Variants in RESF1 observed in about 807,000 individuals in gnomAD.
RESF1 encodes gonad expressed transcript.
Under a neutral mutation model 134.7 loss-of-function variants are expected in RESF1, and 65 were observed. The ratio of observed to expected loss-of-function variants is 0.48; its 90% CI spans 0.40 to 0.59. RESF1 has a LOEUF of 0.59. RESF1 is among the 20% of genes least tolerant of loss of function. The pLI is 0.00. For synonymous variants in RESF1, 762 were observed against 702.2 expected, an observed-to-expected ratio of 1.09 and a Z score of -1.35; for missense variants, 2,274 against 2,002.7, an observed-to-expected ratio of 1.14 and a Z score of -2.59.
At position 31,981,218 on chromosome 12, in the gene RESF1, C is replaced by T. The variant is rs1301143308; in HGVS notation, c.263C>T (p.Thr88Ile). The T allele has an allele frequency of 1.2e-6, 2 of 1,614,162 alleles. No homozygotes were observed. ...MHNGTVVASH[T>I]SVERITYANV... is the part of the protein sequence containing the mutation. The stretch of plus-strand genomic sequence containing the variant: ...AATGGGACAGTTGTGGCCTCACACA[C>T]TTCAGTAGAAAGAATAACATATGCA... Residue 88 changes from threonine to isoleucine, a missense_variant, in exon 4 of 6, where the codon ACT becomes ATT. By Grantham distance (89) the Thr-to-Ile change is moderately conservative. Transcript: ENST00000312561.
intron 2 of RESF1, among the ~76,000 whole-genome samples, chr12:31,968,432 G>A (rs1939442888): frequency 6.7e-6 from 1 of 150,318 alleles, no homozygotes; most frequent in Non-Finnish European, 1.5e-5. Context: ...CCATCTATAA[G>A]TTTACATTAG....
intron 5 of RESF1, among the ~76,000 whole-genome samples, chr12:31,991,178 C>T (rs57655004): frequency 0.017 from 2,481 of 145,770 alleles, 69 homozygotes; most frequent in African/African-American, 0.06. Context: ...GCCTGGGCAA[C>T]AGAGCCAAGA....
At chr12:31,972,835 T>G (rs1335764314) in intron 3 of RESF1, among the ~76,000 whole-genome samples, 2 of 152,202 alleles carry the variant, frequency 1.3e-5, no homozygotes, top group African/African-American at 4.8e-5. Context: ...ATTGTTTATA[T>G]AAAAATGTTA....
In RESF1 at chr12:31,983,613, T is replaced by C; in HGVS notation, c.2658T>C (p.Ser886=). Reference sequence around the variant, plus strand: ...AGTCAAGGAATAGTACTGTTGTGAGTAGTGATACATTACAGATTGACAATA... The same window carrying C: ...AGTCAAGGAATAGTACTGTTGTGAGCAGTGATACATTACAGATTGACAATA... The part of the protein sequence containing the change: ...SQESRNSTVV[S]SDTLQIDNIC... The change falls in exon 4 of 6, where the codon AGT becomes AGC. Residue 886 remains serine, a synonymous_variant. Transcript: ENST00000312561. The C allele has an allele frequency of 6.2e-7, 1 of 1,614,078 alleles. No individual in the cohort carries two copies. Among genetic ancestry groups the C allele is most frequent in the Non-Finnish European group, 8.5e-7 (1 of 1,179,966 alleles).
In RESF1 at chr12:31,992,581, T is replaced by C. The variant is rs776800275; in HGVS notation, c.*46T>C. ...ATTGCCACTGGGAAATTTCTTTCCT[T>C]TTCTGTTCAAAATATTTCGCTGAAA... On this transcript the variant is annotated 3_prime_UTR_variant, in exon 6 of 6. Coordinates refer to ENST00000312561, the MANE Select transcript of RESF1 (RefSeq NM_018169.4). 4 of 1,562,286 alleles carry C rather than the reference T, an allele frequency of 2.6e-6. No individual in the cohort carries two copies. The highest frequency in any genetic ancestry group is 1.1e-5 in the South Asian group (1 of 87,580).
intron 2 of RESF1, among the ~76,000 whole-genome samples, chr12:31,966,157 TA>T (rs922961921): frequency 7.9e-5 from 12 of 151,936 alleles, no homozygotes; most frequent in African/African-American, 2.2e-4. Flanking sequence ...TAATGAGCTT[TA>T]AAAAAAATTG....
chr12:31,981,677 C>A lies in RESF1; in HGVS notation c.722C>A (p.Ser241Ter). ...AAACAAAACTTTATACCACATACAT[C>A]ATTGCAAGTTAAAAATAGTCAGCTT... Reference protein sequence around the residue: ...IQKQNFIPHTSLQVKNSQLLN... With the variant: ...IQKQNFIPHT Residue 241 changes from serine to a stop codon, truncating the protein, a stop_gained, in exon 4 of 6, where the codon TCA becomes TAA. Transcript: ENST00000312561. LOFTEE classifies it high-confidence loss of function. 1 of 1,613,766 alleles carries A rather than the reference C, an allele frequency of 6.2e-7. No homozygotes were observed.
chr12:31,979,714 A>ATTT (rs766734847), intron 3 of RESF1, among the ~76,000 whole-genome samples: 1 of 142,958 alleles, frequency 7.0e-6, no homozygotes, highest in African/African-American at 2.6e-5. Context: ...TGACGGGGTA[A>ATTT]TTTTTTTTTT....
In RESF1 at chr12:31,985,541, C is replaced by T; in HGVS notation, c.4586C>T (p.Thr1529Ile). The change falls in exon 4 of 6, where the codon ACA becomes ATA. Residue 1529 changes from threonine (T) to isoleucine (I), a missense_variant. Transcript: ENST00000312561. ...LKIHHSQESK[T>I]YNILRNVKEK... is the part of the protein sequence containing the mutation. Reference sequence around the variant, plus strand: ...ATCCACCATTCTCAGGAGTCTAAAACATACAACATTCTAAGGAATGTTAAA... The same window carrying T: ...ATCCACCATTCTCAGGAGTCTAAAATATACAACATTCTAAGGAATGTTAAA... The T allele has an allele frequency of 6.3e-7, 1 of 1,598,168 alleles. No homozygotes were observed. The highest frequency in any genetic ancestry group is 1.8e-5 in the Admixed American group (1 of 55,182).
chr12:31,982,533 T>C lies in RESF1; in HGVS notation c.1578T>C (p.Thr526=). 1 of 1,613,780 alleles carries C rather than the reference T, an allele frequency of 6.2e-7. No individual in the cohort carries two copies. Among genetic ancestry groups the C allele is most frequent in the Non-Finnish European group, 8.5e-7 (1 of 1,179,994 alleles). The part of the protein sequence containing the change: ...PDSSHDVKVL[T]SKTSAVEMTQ... ...CATCTCATGATGTGAAAGTTCTCAC[T>C]TCAAAGACATCAGCTGTTGAGATGA... is the stretch of plus-strand genomic sequence containing the variant. The change falls in exon 4 of 6, where the codon ACT becomes ACC. Residue 526 remains threonine, a synonymous_variant. Transcript: ENST00000312561.
rs543731842 is a variant in RESF1, at chr12:31,991,381, G to T, written c.5087-997G>T. On this transcript the variant is annotated intron_variant, in intron 5 of 5. Transcript: ENST00000312561. ...ATTCTGAAAGAAAGCAAACGAAAAA[G>T]TGGAAGACTGCAGCAGATCTAAAGA... Among the ~76,000 whole-genome samples the T allele has an allele frequency of 4.7e-4, 71 of 152,286 alleles. 1 individual carries two copies. The highest frequency in any genetic ancestry group is 9.6e-4 in the Non-Finnish European group (65 of 68,024).
intron 2 of RESF1, among the ~76,000 whole-genome samples, chr12:31,968,633 A>G (rs976533998): frequency 6.6e-6 from 1 of 151,882 alleles, no homozygotes; most frequent in South Asian, 2.1e-4. Context: ...TATTTTTAGT[A>G]GAGACGGGGT....
rs778157280 is a variant in RESF1, at chr12:31,981,859, T to A, written c.904T>A (p.Ser302Thr). The A allele has an allele frequency of 1.4e-5, 23 of 1,613,936 alleles. No homozygotes were observed. In the South Asian group the frequency reaches 2.0e-4, roughly 14 times the overall value. ...TACTCAGCATATTACTAAACACTTG[T>A]CTATGGAAGTTCCTCAGAGTCGAGA... Reference protein sequence around the residue: ...QSTQHITKHLSMEVPQSREML... With the variant: ...QSTQHITKHLTMEVPQSREML... Residue 302 changes from serine to threonine, a missense_variant, in exon 4 of 6, where the codon TCT becomes ACT. By Grantham distance (58) the Ser-to-Thr change is moderately conservative. Coordinates refer to ENST00000312561, the MANE Select transcript of RESF1 (RefSeq NM_018169.4).
intron 3 of RESF1, among the ~76,000 whole-genome samples, chr12:31,970,951 T>C (rs1324940130): frequency 1.3e-5 from 2 of 152,208 alleles, no homozygotes; most frequent in African/African-American, 4.8e-5. Flanking sequence ...TCTTCCCAGA[T>C]TGATCCTCAC....
rs1349723053 is a variant in RESF1, at chr12:31,982,083, C to G, written c.1128C>G (p.Cys376Trp). ...QTNEEKIMDS[C>W]NPTSNQVLDT... ...ATGAAGAGAAAATAATGGATTCTTG[C>G]AATCCAACTTCAAATCAAGTACTGG... The change falls in exon 4 of 6, where the codon TGC becomes TGG. Residue 376 changes from cysteine to tryptophan, a missense_variant. By Grantham distance (215) the Cys-to-Trp change is radical. Transcript: ENST00000312561. 1.2e-6 allele frequency: 2 copies of G among 1,614,072 alleles called. No individual in the cohort carries two copies. Among genetic ancestry groups the G allele is most frequent in the Admixed American group, 1.7e-5 (1 of 60,010 alleles).
At chr12:31,976,122 T>C (rs1939624774) in intron 3 of RESF1, among the ~76,000 whole-genome samples, 1 of 152,254 alleles carries the variant, frequency 6.6e-6, no homozygotes, top group Non-Finnish European at 1.5e-5. Flanking sequence ...CTAGCCATTG[T>C]GTATAGTATT....
At position 31,982,102 on chromosome 12, in the gene RESF1, G is replaced by T; in HGVS notation, c.1147G>T (p.Val383Leu). The change falls in exon 4 of 6, where the codon GTA becomes TTA. Residue 383 changes from valine (V) to leucine (L), a missense_variant. By Grantham distance (32) the Val-to-Leu change is conservative. Transcript: ENST00000312561. ...TTCTTGCAATCCAACTTCAAATCAA[G>T]TACTGGACACAAGTGTTGCAAAAGA... The part of the protein sequence containing the change: ...MDSCNPTSNQ[V>L]LDTSVAKEKL... 1 of 1,614,048 alleles carries T rather than the reference G, an allele frequency of 6.2e-7. No individual in the cohort carries two copies. The highest frequency in any genetic ancestry group is 8.5e-7 in the Non-Finnish European group (1 of 1,179,990).
chr12:31,989,396 CA>C (rs34529486), intron 5 of RESF1, among the ~76,000 whole-genome samples: 1,410 of 98,166 alleles, frequency 0.014, 11 homozygotes, highest in Non-Finnish European at 0.02. Context: ...AGTCTTGTCT[CA>C]AAAAAAAAAA....
In RESF1 at chr12:31,981,264, A is replaced by T. The variant is rs766387944; in HGVS notation, c.309A>T (p.Gln103His). Residue 103 changes from glutamine to histidine, a missense_variant, in exon 4 of 6, where the codon CAA (glutamine) becomes CAT (histidine). Coordinates refer to ENST00000312561, the MANE Select transcript of RESF1 (RefSeq NM_018169.4). ...ATGCAAATGTTAATGGACCCAAACA[A>T]CTAACTCACAATTTGCAGATGTCTT... is the stretch of plus-strand genomic sequence containing the variant. ...ITYANVNGPK[Q>H]LTHNLQMSSG... 1 of 1,614,160 alleles carries T rather than the reference A, an allele frequency of 6.2e-7. No homozygotes were observed. Among genetic ancestry groups the T allele is most frequent in the South Asian group, 1.1e-5 (1 of 91,076 alleles).
Sources: allele counts gnomAD v4.1 joint callset (sites outside exome capture counted in the v4.1 genomes callset), GRCh38; gene constraint gnomAD v4.1.1; transcripts MANE v1.5; gene names NCBI Gene and HGNC (gene_info 2026-07-23, HGNC 2026-07-21).